Variants in UMAD1 observed in about 807,000 individuals in gnomAD.
The protein encoded by UMAD1 is UBAP1-MVB12-associated (UMA) domain containing 1.
UMAD1 carries 8 observed loss-of-function variants against 6.1 expected under a neutral mutation model. The observed-to-expected ratio is 1.30, with a 90% CI of 0.76 to 2.35. UMAD1 has a LOEUF of 2.35. UMAD1 is among the 30% of genes most tolerant of loss of function. The pLI is 0.00. For synonymous variants in UMAD1, 56 were observed against 31.4 expected (o/e 1.78, Z -2.61); for missense variants, 130 against 78.4 (o/e 1.66, Z -2.49).
chr7:7,862,182 T>A (rs528838375), intron 3 of UMAD1, among the ~76,000 whole-genome samples: 1 of 152,310 alleles, frequency 6.6e-6, no homozygotes, highest in Non-Finnish European at 1.5e-5. Flanking sequence ...TCAGTCGATA[T>A]CATATAAGTG....
intron 2 of UMAD1, among the ~76,000 whole-genome samples, chr7:7,785,562 G>A (rs1486228875): frequency 6.6e-6 from 1 of 152,250 alleles, no homozygotes; most frequent in Non-Finnish European, 1.5e-5. Context: ...GGCCAGGTCT[G>A]TGTTAAGAAA....
In UMAD1 at chr7:7,677,874, C is replaced by T. The variant is rs937958323; in HGVS notation, c.82+4421C>T. On this transcript the variant is annotated intron_variant, in intron 2 of 3. Coordinates refer to ENST00000682710, the MANE Select transcript of UMAD1 (RefSeq NM_001302348.2). ...ATTTTTAGTAGAGACGGGGTTTCAC[C>T]GTTTTAGCCGGGATGGTCTCGATCT... Among the ~76,000 whole-genome samples, 9 of 151,262 alleles carry T rather than the reference C, an allele frequency of 5.9e-5. No individual in the cohort carries two copies. In the South Asian group the frequency reaches 1.5e-3, roughly 25 times the overall value.
At chr7:7,810,690 G>T (rs1455443807) in intron 3 of UMAD1, among the ~76,000 whole-genome samples, 2 of 152,114 alleles carry the variant, frequency 1.3e-5, no homozygotes, top group Non-Finnish European at 2.9e-5. Context: ...TATAATGAAT[G>T]TATCTTATAT....
intron 3 of UMAD1, among the ~76,000 whole-genome samples, chr7:7,811,655 A>T (rs1783024519): frequency 6.6e-6 from 1 of 152,196 alleles, no homozygotes; most frequent in Admixed American, 6.5e-5. Flanking sequence ...TTGCCACAAA[A>T]TGCCAACCTT....
At position 7,853,111 on chromosome 7, in the gene UMAD1, AGAAACTGTGGAC is replaced by A. The variant is rs1783948653; in HGVS notation, c.157-24165_157-24154del. Among the ~76,000 whole-genome samples, 4 of 152,246 alleles carry A rather than the reference AGAAACTGTGGAC, an allele frequency of 2.6e-5. No individual in the cohort carries two copies. The South Asian group carries it at 8.3e-4, about 32-fold the overall frequency. On this transcript the variant is annotated intron_variant, in intron 3 of 3. Coordinates refer to ENST00000682710, the MANE Select transcript of UMAD1 (RefSeq NM_001302348.2). ...ACAAATGCTGTGGGAGTTATGAGCC[AGAAACTGTGGAC>A]GAAAACCAGTATATATGTATATCAT...
chr7:7,692,798 C>T (rs528068749), intron 2 of UMAD1, among the ~76,000 whole-genome samples: 5 of 152,140 alleles, frequency 3.3e-5, no homozygotes, highest in African/African-American at 9.6e-5. Flanking sequence ...TTAGTAGAGA[C>T]GGGGTTCACC....
rs563762022 is a variant in UMAD1, at chr7:7,872,008, C to G, written c.157-5273C>G. ...CACCACATCAAGAATCTCCCCTCCG[C>G]AGTTCCATGCAGACCTCCGAAAGAG... On this transcript the variant is annotated intron_variant, in intron 3 of 3. Transcript: ENST00000682710. Among the ~76,000 whole-genome samples the G allele has an allele frequency of 3.8e-3, 582 of 151,948 alleles. 4 individuals are homozygous for G. The highest frequency in any genetic ancestry group is 4.5e-3 in the Non-Finnish European group (305 of 67,988).
intron 3 of UMAD1, among the ~76,000 whole-genome samples, chr7:7,851,977 T>A (rs1783925114): frequency 6.6e-6 from 1 of 152,138 alleles, no homozygotes; most frequent in African/African-American, 2.4e-5. Flanking sequence ...AGATTTACCC[T>A]TATGTTTTCT....
chr7:7,731,487 C>CCCT (rs1423842309), intron 2 of UMAD1, among the ~76,000 whole-genome samples: 1 of 144,056 alleles, frequency 6.9e-6, no homozygotes, highest in Non-Finnish European at 1.5e-5. Flanking sequence ...AAACAACCCC[C>CCCT]CCCCAAAAAA....
At chr7:7,649,636 T>C (rs1432071322) in intron 1 of UMAD1, among the ~76,000 whole-genome samples, 5 of 152,214 alleles carry the variant, frequency 3.3e-5, no homozygotes, top group African/African-American at 9.7e-5. Flanking sequence ...TCTTCTTTAA[T>C]GTTATCAGTC....
chr7:7,652,637 G>A (rs539370290), intron 1 of UMAD1, among the ~76,000 whole-genome samples: 1 of 152,206 alleles, frequency 6.6e-6, no homozygotes, highest in African/African-American at 2.4e-5. Context: ...GGTTAATTCC[G>A]TGAATTTGGA....
intron 2 of UMAD1, among the ~76,000 whole-genome samples, chr7:7,702,832 T>A (rs1286099610): frequency 1.3e-5 from 2 of 152,178 alleles, no homozygotes; most frequent in African/African-American, 4.8e-5. Flanking sequence ...TTGTAAAAAA[T>A]GCTTAGAGAC....
intron 2 of UMAD1, among the ~76,000 whole-genome samples, chr7:7,746,137 T>C (rs1012643707): frequency 2.6e-5 from 4 of 152,216 alleles, no homozygotes; most frequent in African/African-American, 9.6e-5. Flanking sequence ...GCTTAGTTGC[T>C]CTCGTGGTTT....
chr7:7,683,260 GAAA>G (rs1292057001), intron 2 of UMAD1, among the ~76,000 whole-genome samples: 9 of 152,054 alleles, frequency 5.9e-5, no homozygotes, highest in Admixed American at 5.9e-4. Flanking sequence ...GGGATACTTA[GAAA>G]AAAATACTGG....
intron 2 of UMAD1, among the ~76,000 whole-genome samples, chr7:7,678,722 AAT>A (rs368642047): frequency 1.6e-4 from 18 of 110,220 alleles, no homozygotes; most frequent in African/African-American, 6.0e-4. Flanking sequence ...TTAGTTTATA[AAT>A]ATATATTTAT....
At chr7:7,831,415 T>A (rs916622886) in intron 3 of UMAD1, among the ~76,000 whole-genome samples, 2 of 152,242 alleles carry the variant, frequency 1.3e-5, no homozygotes, top group Non-Finnish European at 2.9e-5. Context: ...AAGTTCTATT[T>A]GTTAGCTCCA....
At chr7:7,822,727 G>A (rs749784293) in intron 3 of UMAD1, among the ~76,000 whole-genome samples, 6 of 152,008 alleles carry the variant, frequency 3.9e-5, no homozygotes, top group East Asian at 1.9e-4. Flanking sequence ...TGAACAGTTC[G>A]GCTTCCTACC....
In UMAD1 at chr7:7,741,396, C is replaced by T. The variant is rs1396449426; in HGVS notation, c.83-60274C>T. 2.6e-5 allele frequency among the ~76,000 whole-genome samples: 4 copies of T among 151,798 alleles called. No homozygotes were observed. In the South Asian group the frequency reaches 6.2e-4, roughly 24 times the overall value. ...ACCATCCTGGCTAACACAGTGAAACCCCATCTCTACTGAAAATACAAAAAA... is the reference window on the plus strand; with the variant it reads ...ACCATCCTGGCTAACACAGTGAAACTCCATCTCTACTGAAAATACAAAAAA... On this transcript the variant is annotated intron_variant, in intron 2 of 3. Transcript: ENST00000682710.
intron 1 of UMAD1, among the ~76,000 whole-genome samples, chr7:7,644,892 T>C (rs975914112): frequency 5.3e-5 from 8 of 152,240 alleles, no homozygotes; most frequent in African/African-American, 1.4e-4. Context: ...ACTGTATCCT[T>C]GGATGTATTT....
Sources: gnomAD v4.1 joint callset for allele counts (sites outside exome capture counted in the v4.1 genomes callset) on GRCh38, gnomAD v4.1.1 for gene constraint, MANE v1.5 for transcripts, NCBI Gene and HGNC (gene_info 2026-07-23, HGNC 2026-07-21) for gene names.